ZFAND6: variants seen among roughly 807,000 people sequenced by gnomAD.
The protein encoded by ZFAND6 is AN1-type zinc finger protein 6.
Under a neutral mutation model 24.5 loss-of-function variants are expected in ZFAND6, and 12 were observed. The observed-to-expected ratio is 0.49, with a 90% CI of 0.31 to 0.79. The LOEUF is 0.79. ZFAND6 is among the 30% of genes least tolerant of loss of function. The pLI, the probability that ZFAND6 is intolerant of heterozygous loss-of-function variation, is 0.04. For synonymous variants in ZFAND6, 92 were observed against 81.5 expected (o/e 1.13, Z -0.69); for missense variants, 207 against 245.9 (o/e 0.84, Z 1.06).
At chr15:80,101,180 C>T (rs186385739) in intron 2 of ZFAND6, among the ~76,000 whole-genome samples, 18 of 152,190 alleles carry the variant, frequency 1.2e-4, no homozygotes, top group Non-Finnish European at 2.2e-4. Flanking sequence ...TCTTTACTCC[C>T]GGCTGGGCGT....
chr15:80,082,228 T>A (rs2037713434), intron 1 of ZFAND6, among the ~76,000 whole-genome samples: 1 of 152,184 alleles, frequency 6.6e-6, no homozygotes, highest in African/African-American at 2.4e-5. Context: ...AAAAACAGGG[T>A]TTGGAATATT....
intron 1 of ZFAND6, among the ~76,000 whole-genome samples, chr15:80,091,160 GGTGT>G (rs61706731): frequency 3.8e-4 from 57 of 150,274 alleles, no homozygotes; most frequent in South Asian, 1.5e-3. Flanking sequence ...GTTGTTAAGG[GGTGT>G]GTGTGTGTGT....
intron 1 of ZFAND6, 114 bp downstream of exon 1, chr15:80,059,923 C>T (rs1427868804): frequency 6.6e-6 from 1 of 151,082 alleles, no homozygotes; most frequent in Non-Finnish European, 1.5e-5. Context: ...CCTCCCGGCG[C>T]CCGAGAGCCG....
chr15:80,114,314 G>C (rs2039759089), intron 2 of ZFAND6, among the ~76,000 whole-genome samples: 1 of 152,206 alleles, frequency 6.6e-6, no homozygotes. Flanking sequence ...CTGCCGACCT[G>C]ACTCCAAGCC....
At chr15:80,121,521 G>T (rs1238639475) in intron 3 of ZFAND6, among the ~76,000 whole-genome samples, 191 bp from the exon 4 acceptor site, 7 of 152,026 alleles carry the variant, frequency 4.6e-5, no homozygotes, top group Non-Finnish European at 8.8e-5. Flanking sequence ...TTTCCTTCTT[G>T]GTTTAAAATT....
In ZFAND6 at chr15:80,137,581, A is replaced by C; in HGVS notation, c.580A>C (p.Arg194=). Residue 194 remains arginine (R), a synonymous_variant, in exon 7 of 7, where the codon AGA becomes CGA. Transcript: ENST00000261749. Reference sequence around the variant, plus strand: ...CAAAGCCGATGCTGCTGAGAAAATCAGAAAAGAAAATCCAGTAGTTGTTGG... The same window carrying C: ...CAAAGCCGATGCTGCTGAGAAAATCCGAAAAGAAAATCCAGTAGTTGTTGG... ...NYKADAAEKI[R]KENPVVVGEK... The C allele has an allele frequency of 6.2e-7, 1 of 1,607,274 alleles. No individual in the cohort carries two copies. Among genetic ancestry groups the C allele is most frequent in the Non-Finnish European group, 8.5e-7 (1 of 1,177,842 alleles).
intron 2 of ZFAND6, among the ~76,000 whole-genome samples, chr15:80,098,851 T>G (rs1567072951): frequency 6.6e-6 from 1 of 152,158 alleles, no homozygotes; most frequent in African/African-American, 2.4e-5. Flanking sequence ...ATTACTAATT[T>G]ATTATTGTGA....
At chr15:80,065,744 C>T (rs974137745) in intron 1 of ZFAND6, among the ~76,000 whole-genome samples, 7 of 151,574 alleles carry the variant, frequency 4.6e-5, no homozygotes, top group Non-Finnish European at 7.4e-5. Flanking sequence ...AGGGTTTCAT[C>T]GTGTTGGCCA....
intron 2 of ZFAND6, among the ~76,000 whole-genome samples, chr15:80,119,692 C>G (rs1197313064): frequency 6.6e-6 from 1 of 152,100 alleles, no homozygotes; most frequent in Admixed American, 6.5e-5. Flanking sequence ...TGATTATACT[C>G]TAGTCATTTT....
intron 1 of ZFAND6, chr15:80,060,593 A>G (rs957564396): frequency 2.6e-5 from 4 of 152,160 alleles, no homozygotes; most frequent in East Asian, 1.9e-4. Flanking sequence ...GGGGTTACCT[A>G]AAGATAATTT....
intron 1 of ZFAND6, among the ~76,000 whole-genome samples, chr15:80,091,394 G>A (rs2038361965): frequency 6.6e-6 from 1 of 152,084 alleles, no homozygotes; most frequent in African/African-American, 2.4e-5. Context: ...TAATCATTTT[G>A]GTAGTTTTCT....
At chr15:80,078,624 G>A (rs1481378525) in intron 1 of ZFAND6, among the ~76,000 whole-genome samples, 1 of 152,036 alleles carries the variant, frequency 6.6e-6, no homozygotes, top group Non-Finnish European at 1.5e-5. Context: ...AAGTTCTTTG[G>A]GAAATCTCCA....
chr15:80,124,086 T>G (rs955273360), intron 5 of ZFAND6, among the ~76,000 whole-genome samples: 5 of 152,216 alleles, frequency 3.3e-5, no homozygotes, highest in Non-Finnish European at 7.3e-5. Context: ...TAATTCTTAT[T>G]TCTTAGTTAC....
intron 1 of ZFAND6, among the ~76,000 whole-genome samples, chr15:80,090,995 G>A (rs1983414): frequency 0.76 from 115,090 of 152,172 alleles, 43,679 homozygotes; most frequent in Admixed American, 0.83. Flanking sequence ...TTTTTCTACT[G>A]AAATATTCTA....
intron 6 of ZFAND6, among the ~76,000 whole-genome samples, chr15:80,137,273 T>C (rs765623954): frequency 6.6e-6 from 1 of 152,094 alleles, no homozygotes; most frequent in Non-Finnish European, 1.5e-5. Context: ...GAGGACTTTC[T>C]CTAGGGCAAA....
chr15:80,120,834 G>C (rs958663197), intron 3 of ZFAND6: 4 of 155,920 alleles, frequency 2.6e-5, no homozygotes, highest in African/African-American at 9.6e-5. Flanking sequence ...GTGACTTACA[G>C]CTCAAGTAGT....
At chr15:80,078,725 A>AT (rs1169933139) in intron 1 of ZFAND6, among the ~76,000 whole-genome samples, 1 of 151,914 alleles carries the variant, frequency 6.6e-6, no homozygotes, top group African/African-American at 2.4e-5. Flanking sequence ...AACATCTGTC[A>AT]TTTTTTTGAC....
At chr15:80,060,385 T>C (rs1332032851) in intron 1 of ZFAND6, 1 of 151,510 alleles carries the variant, frequency 6.6e-6, no homozygotes, top group Non-Finnish European at 1.5e-5. Flanking sequence ...TTGCTTAGGA[T>C]TCTAAATTTT....
chr15:80,096,998 G>A (rs1369020758), intron 1 of ZFAND6, among the ~76,000 whole-genome samples: 5 of 149,114 alleles, frequency 3.4e-5, no homozygotes, highest in African/African-American at 1.3e-4. Context: ...TAATGTGTTA[G>A]ATTTTTTTTT....
Sources: allele counts gnomAD v4.1 joint callset (sites outside exome capture counted in the v4.1 genomes callset), GRCh38; gene constraint gnomAD v4.1.1; transcripts MANE v1.5; gene names NCBI Gene and HGNC (gene_info 2026-07-23, HGNC 2026-07-21).